Variants in CEP120 observed in about 807,000 individuals in gnomAD.
CEP120 encodes centrosomal protein of 120 kDa.
A neutral mutation model predicts 126.5 loss-of-function variants in CEP120; 113 were observed. That is an observed-to-expected ratio of 0.89 (90% CI 0.77 to 1.04). The LOEUF is 1.04. Among genes scored for constraint, CEP120 ranks in the 50% least tolerant of loss-of-function variants. CEP120 has a pLI of 0.00. For synonymous variants in CEP120, 400 were observed against 394.3 expected, an observed-to-expected ratio of 1.01 and a Z score of -0.17; for missense variants, 1,230 against 1,155.7, an observed-to-expected ratio of 1.06 and a Z score of -0.93.
chr5:123,371,977 G>A (rs2127019910), intron 17 of CEP120, among the ~76,000 whole-genome samples: 1 of 152,094 alleles, frequency 6.6e-6, no homozygotes, highest in South Asian at 2.1e-4. Flanking sequence ...AACACATATG[G>A]TCAAACTTGT....
intron 16 of CEP120, among the ~76,000 whole-genome samples, chr5:123,376,620 C>A (rs1460441953): frequency 6.6e-6 from 1 of 152,034 alleles, no homozygotes; most frequent in East Asian, 1.9e-4. Context: ...AAACAAAGAA[C>A]ATTTACAGGT....
intron 14 of CEP120, 46 bp from the exon 15 acceptor site, chr5:123,378,474 C>G (rs1771420656): frequency 1.8e-6 from 2 of 1,140,758 alleles, no homozygotes; most frequent in Non-Finnish European, 2.5e-6. Context: ...CTACCTTCTC[C>G]CAAACTTAAA....
chr5:123,397,232 G>A (rs1412963938), intron 5 of CEP120, among the ~76,000 whole-genome samples: 1 of 152,190 alleles, frequency 6.6e-6, no homozygotes, highest in Non-Finnish European at 1.5e-5. Context: ...GGTGAGGCAG[G>A]AGAATCACTT....
chr5:123,374,310 G>C (rs1329949292), intron 16 of CEP120, among the ~76,000 whole-genome samples: 1 of 152,006 alleles, frequency 6.6e-6, no homozygotes, highest in Non-Finnish European at 1.5e-5. Flanking sequence ...CAGTAGCGGG[G>C]CAAAAACTAA....
chr5:123,380,736 CATCTT>C (rs1184625515), intron 14 of CEP120, among the ~76,000 whole-genome samples: 2 of 152,032 alleles, frequency 1.3e-5, no homozygotes, highest in African/African-American at 2.4e-5. Flanking sequence ...AGGATAAACT[CATCTT>C]GTCTTAAAGG....
At chr5:123,359,347 TTCA>T (rs1165391113) in intron 18 of CEP120, among the ~76,000 whole-genome samples, 1 of 152,060 alleles carries the variant, frequency 6.6e-6, no homozygotes, top group African/African-American at 2.4e-5. Context: ...AAACTCATAC[TTCA>T]TAACAATGCT....
At chr5:123,414,513 A>T (rs1774259532) in intron 3 of CEP120, among the ~76,000 whole-genome samples, 1 of 152,236 alleles carries the variant, frequency 6.6e-6, no homozygotes, top group Non-Finnish European at 1.5e-5. Context: ...CCAATTTAAG[A>T]TTCAAATCAA....
At chr5:123,358,912 G>A (rs992610462) in intron 18 of CEP120, among the ~76,000 whole-genome samples, 1 of 151,968 alleles carries the variant, frequency 6.6e-6, no homozygotes, top group Non-Finnish European at 1.5e-5. Flanking sequence ...GTAAGTCTGT[G>A]GGAAAAAACT....
In CEP120 at chr5:123,393,490, G is replaced by A. The variant is rs1179453266; in HGVS notation, c.620C>T (p.Pro207Leu). ...AFATQLEQLI[P>L]CTMKLPERQP... The stretch of plus-strand genomic sequence containing the variant: ...TCTTTCTGGAAGTTTCATGGTACAT[G>A]GAATTAACTAAACATTTCAGGAAAA... Residue 207 changes from proline to leucine, a missense_variant, in exon 6 of 20, where the codon CCA becomes CTA. Transcript: ENST00000306467. 1 of 1,612,580 alleles carries A rather than the reference G, an allele frequency of 6.2e-7. No homozygotes were observed. The highest frequency in any genetic ancestry group is 8.5e-7 in the Non-Finnish European group (1 of 1,178,866).
chr5:123,380,546 T>G (rs1771565361), intron 14 of CEP120, among the ~76,000 whole-genome samples: 1 of 152,126 alleles, frequency 6.6e-6, no homozygotes, highest in African/African-American at 2.4e-5. Context: ...AGATCATTAT[T>G]ACCAAAATGA....
intron 18 of CEP120, among the ~76,000 whole-genome samples, chr5:123,357,543 C>G (rs1295574609): frequency 6.6e-6 from 1 of 152,088 alleles, no homozygotes; most frequent in South Asian, 2.1e-4. Context: ...GTAATGAGCA[C>G]AAGACATAAA....
chr5:123,346,683 G>T lies in CEP120; in HGVS notation c.2797C>A (p.His933Asn). 1 of 1,613,536 alleles carries T rather than the reference G, an allele frequency of 6.2e-7. No homozygotes were observed. The highest frequency in any genetic ancestry group is 1.1e-5 in the South Asian group (1 of 90,954). The change falls in exon 20 of 20, where the codon CAT (histidine) becomes AAT (asparagine). Residue 933 changes from histidine (H) to asparagine (N), a missense_variant. Coordinates refer to ENST00000306467, the MANE Select transcript of CEP120 (RefSeq NM_001375405.1). ...EIASGKKDGP[H>N]GSVLEEGLDD... ...AAACCTTCTTCCAATACACTGCCAT[G>T]GGGGCCATCCTTTTTTCCACTTGCA...
intron 5 of CEP120, among the ~76,000 whole-genome samples, chr5:123,395,470 C>G (rs76128469): frequency 0.03 from 4,631 of 152,164 alleles, 239 homozygotes; most frequent in African/African-American, 0.11. Context: ...CAAACATAAA[C>G]AATACAATCA....
chr5:123,401,269 C>A, intron 4 of CEP120: 3 of 1,609,502 alleles, frequency 1.9e-6, no homozygotes, highest in Middle Eastern at 1.7e-4. Flanking sequence ...CGCTGCAGGG[C>A]GGCCTCCAGC....
At chr5:123,376,340 T>C (rs987977384) in intron 16 of CEP120, among the ~76,000 whole-genome samples, 4 of 151,870 alleles carry the variant, frequency 2.6e-5, no homozygotes, top group African/African-American at 9.7e-5. Context: ...GATCCTGTGG[T>C]TGAAGTGAGC....
chr5:123,378,270 A>G, intron 15 of CEP120, 66 bp downstream of exon 15: 1 of 1,217,712 alleles, frequency 8.2e-7, no homozygotes, highest in Non-Finnish European at 1.2e-6. Context: ...AACTTTTAAA[A>G]TAGTATTTCT....
intron 4 of CEP120, among the ~76,000 whole-genome samples, chr5:123,405,203 A>G (rs934355773): frequency 1.3e-5 from 2 of 152,220 alleles, no homozygotes; most frequent in South Asian, 4.1e-4. Context: ...GAGCCAATGC[A>G]GTAAGTAGGA....
intron 17 of CEP120, among the ~76,000 whole-genome samples, chr5:123,366,455 T>A (rs987120343): frequency 6.6e-6 from 1 of 151,832 alleles, no homozygotes; most frequent in Non-Finnish European, 1.5e-5. Context: ...ACTCAAAGCA[T>A]AGATTAAAAT....
At chr5:123,418,223 A>G (rs941261220) in intron 2 of CEP120, 136 bp downstream of exon 2, 7 of 469,574 alleles carry the variant, frequency 1.5e-5, no homozygotes, top group Non-Finnish European at 2.0e-5. Context: ...TCCCCAAGGT[A>G]TCTTTGATTA....
Sources: allele counts gnomAD v4.1 joint callset (sites outside exome capture counted in the v4.1 genomes callset), GRCh38; gene constraint gnomAD v4.1.1; transcripts MANE v1.5; gene names NCBI Gene and HGNC (gene_info 2026-07-23, HGNC 2026-07-21).